Variants in UBAC2 observed in about 807,000 individuals in gnomAD.
UBAC2 encodes UBA domain containing 2.
In UBAC2, 26 loss-of-function variants were observed where a neutral mutation model predicts 44.0. That is an observed-to-expected ratio of 0.59 (90% CI 0.43 to 0.82). The LOEUF (loss-of-function observed/expected upper bound fraction) is 0.82. Ranked by LOEUF, UBAC2 falls within the 40% of genes least tolerant of loss-of-function variation. The pLI is 0.00. For missense variants in UBAC2, 329 were observed against 419.4 expected, an observed-to-expected ratio of 0.78 and a Z score of 1.88; for synonymous variants, 155 against 154.3, an observed-to-expected ratio of 1.00 and a Z score of -0.04.
At chr13:99,299,462 G>GCGCA (rs1555327776) in intron 4 of UBAC2, among the ~76,000 whole-genome samples, 1 of 150,746 alleles carries the variant, frequency 6.6e-6, no homozygotes. Context: ...ACACACACAC[G>GCGCA]CACACACACA....
rs774658633 is a variant in UBAC2, at chr13:99,296,140, A to G, written c.390-17957A>G. The G allele has an allele frequency of 7.5e-6, 12 of 1,595,946 alleles. No individual in the cohort carries two copies. The South Asian group carries it at 1.3e-4, about 18-fold the overall frequency. On this transcript the variant is annotated intron_variant, in intron 4 of 8. Transcript: ENST00000403766. ...GAGTAAAATTGTTTGCCATTTGTAT[A>G]TCCATTGGTGGTGGTCCAGGTGTCT...
intron 4 of UBAC2, chr13:99,307,814 T>G (rs1325725880): frequency 1.3e-5 from 2 of 152,234 alleles, no homozygotes; most frequent in Non-Finnish European, 2.9e-5. Flanking sequence ...CAGTGCTTTT[T>G]ACCTGGAAAC....
chr13:99,333,655 A>G (rs556575971), intron 6 of UBAC2, among the ~76,000 whole-genome samples: 2 of 152,246 alleles, frequency 1.3e-5, no homozygotes, highest in Non-Finnish European at 2.9e-5. Flanking sequence ...CTTCCCTGCC[A>G]GAATTTGCAG....
chr13:99,355,263 G>T (rs887425722), intron 7 of UBAC2, among the ~76,000 whole-genome samples: 2 of 152,112 alleles, frequency 1.3e-5, no homozygotes, highest in African/African-American at 4.8e-5. Context: ...CCCAAATTTG[G>T]CAGACAAAAG....
intron 8 of UBAC2, among the ~76,000 whole-genome samples, chr13:99,378,520 C>G (rs1320499460): frequency 6.6e-6 from 1 of 152,200 alleles, no homozygotes; most frequent in Non-Finnish European, 1.5e-5. Flanking sequence ...GAGCAAGACT[C>G]TGTCTCAAAA....
chr13:99,242,720 C>T (rs954692497), intron 2 of UBAC2, among the ~76,000 whole-genome samples: 14 of 143,510 alleles, frequency 9.8e-5, no homozygotes, highest in Non-Finnish European at 2.0e-4. Flanking sequence ...GGGCGGCTGG[C>T]CTGGCCGGGG....
intron 4 of UBAC2, chr13:99,256,356 T>C (rs7317547): frequency 0.99 from 150,313 of 152,362 alleles, 74,166 homozygotes; most frequent in East Asian, 1. Context: ...TATCATAGGT[T>C]GAGAAACAGC....
At chr13:99,215,371 A>G (rs2042979965) in intron 1 of UBAC2, 8 of 1,116,626 alleles carry the variant, frequency 7.2e-6, no homozygotes, top group Admixed American at 6.8e-5. Flanking sequence ...CCAGGCATAC[A>G]TTAGACAGTC....
intron 1 of UBAC2, among the ~76,000 whole-genome samples, chr13:99,205,253 G>A (rs2042856279): frequency 6.6e-6 from 1 of 152,150 alleles, no homozygotes; most frequent in Admixed American, 6.6e-5. Context: ...AAAGGTGTTG[G>A]GAAAAACCCA....
At chr13:99,231,831 T>A (rs557621763) in intron 1 of UBAC2, among the ~76,000 whole-genome samples, 1 of 152,234 alleles carries the variant, frequency 6.6e-6, no homozygotes, top group Non-Finnish European at 1.5e-5. Context: ...CTTTACTGTC[T>A]GTGCATGAAT....
In UBAC2 at chr13:99,341,848, A is replaced by T. The variant is rs146685218; in HGVS notation, c.807+1283A>T. ...GTATAAAGGTAGAGGCACAGAGCTT[A>T]TGAGGGAGAGAAAGAAGTAGGGGAT... On this transcript the variant is annotated intron_variant, in intron 7 of 8. Transcript: ENST00000403766. Among the ~76,000 whole-genome samples the T allele has an allele frequency of 3.7e-3, 570 of 152,340 alleles. 6 individuals carry two copies. Among genetic ancestry groups the T allele is most frequent in the South Asian group, 0.011 (51 of 4,824 alleles).
chr13:99,297,007 G>A (rs1283452217), intron 4 of UBAC2, among the ~76,000 whole-genome samples: 1 of 152,136 alleles, frequency 6.6e-6, no homozygotes, highest in East Asian at 1.9e-4. Flanking sequence ...TCAGTGCAAT[G>A]TATATATTTG....
chr13:99,208,618 A>T (rs2042903069), intron 1 of UBAC2, among the ~76,000 whole-genome samples: 1 of 152,194 alleles, frequency 6.6e-6, no homozygotes, highest in Non-Finnish European at 1.5e-5. Context: ...TAAGACTTGT[A>T]GTTGGCAACC....
chr13:99,323,294 G>A (rs2044593745), intron 6 of UBAC2, among the ~76,000 whole-genome samples: 1 of 152,090 alleles, frequency 6.6e-6, no homozygotes, highest in Non-Finnish European at 1.5e-5. Context: ...AATGAGGACA[G>A]GAACTGCAAA....
intron 4 of UBAC2, among the ~76,000 whole-genome samples, chr13:99,293,946 A>AG (rs2044129166): frequency 6.6e-6 from 1 of 152,180 alleles, no homozygotes. Context: ...TTGCCAACAG[A>AG]GAATACTGCA....
At chr13:99,272,355 T>C (rs914673970) in intron 4 of UBAC2, among the ~76,000 whole-genome samples, 5 of 152,228 alleles carry the variant, frequency 3.3e-5, no homozygotes, top group Admixed American at 1.3e-4. Flanking sequence ...CTTTCAACAC[T>C]GATCAACTCA....
intron 7 of UBAC2, among the ~76,000 whole-genome samples, chr13:99,342,214 G>C (rs2044900933): frequency 6.6e-6 from 1 of 152,256 alleles, no homozygotes; most frequent in Non-Finnish European, 1.5e-5. Flanking sequence ...ATGGAGCACA[G>C]TGAAGCTGGG....
intron 7 of UBAC2, among the ~76,000 whole-genome samples, chr13:99,350,473 T>G (rs2045066899): frequency 6.6e-6 from 1 of 152,198 alleles, no homozygotes; most frequent in Non-Finnish European, 1.5e-5. Flanking sequence ...ATCAATTATA[T>G]CTACATAATG....
At chr13:99,276,132 C>A (rs2043878913) in intron 4 of UBAC2, among the ~76,000 whole-genome samples, 1 of 152,232 alleles carries the variant, frequency 6.6e-6, no homozygotes, top group Non-Finnish European at 1.5e-5. Flanking sequence ...CTCCAGCCAT[C>A]TGCCAAGATG....
Sources: gnomAD v4.1 joint callset for allele counts (sites outside exome capture counted in the v4.1 genomes callset) on GRCh38, gnomAD v4.1.1 for gene constraint, MANE v1.5 for transcripts, NCBI Gene and HGNC (gene_info 2026-07-23, HGNC 2026-07-21) for gene names.